The following GALNT18 variants were observed in gnomAD, a reference collection of about 807,000 sequenced individuals.
GALNT18 encodes the protein polypeptide N-acetylgalactosaminyltransferase 18, also known as GalNAc-transferase 18.
Under a neutral mutation model 69.5 loss-of-function variants are expected in GALNT18, and 44 were observed. The ratio of observed to expected loss-of-function variants is 0.63; its 90% CI spans 0.50 to 0.81. GALNT18 has a LOEUF of 0.81. GALNT18 is among the 40% of genes least tolerant of loss of function. The probability of loss-of-function intolerance (pLI) is 0.00; values close to 1 mark genes in which losing one functional copy is unlikely to be tolerated. For synonymous variants in GALNT18, 364 were observed against 318.2 expected, an observed-to-expected ratio of 1.14 and a Z score of -1.53; for missense variants, 715 against 810.0, an observed-to-expected ratio of 0.88 and a Z score of 1.42.
At chr11:11,406,055 G>T (rs999681428) in intron 3 of GALNT18, among the ~76,000 whole-genome samples, 7 of 152,158 alleles carry the variant, frequency 4.6e-5, no homozygotes, top group African/African-American at 1.7e-4. Context: ...AGCTACATGA[G>T]GATAAACATT....
Position 11,396,095 on chromosome 11 carries a change from G to A in GALNT18, c.596-16831C>T, listed in dbSNP as rs1027048815. Among the ~76,000 whole-genome samples, 2 of 152,200 alleles carry A rather than the reference G, an allele frequency of 1.3e-5. No individual in the cohort carries two copies. Among genetic ancestry groups the A allele is most frequent in the African/African-American group, 4.8e-5 (2 of 41,444 alleles). On this transcript the variant is annotated intron_variant, in intron 3 of 10. Coordinates refer to ENST00000227756, the MANE Select transcript of GALNT18 (RefSeq NM_198516.3). The surrounding 1 kb of genome is among the most constrained non-coding windows in gnomAD (Gnocchi z 5.2). ...TTCCCTCTGTTGCTGATCCCCATGG[G>A]GCTGAACAGTCCCAAAGAGTTAGAG...
chr11:11,297,163 C>T (rs1051159667), intron 9 of GALNT18, among the ~76,000 whole-genome samples: 2 of 152,010 alleles, frequency 1.3e-5, no homozygotes, highest in African/African-American at 2.4e-5. Flanking sequence ...ACTCAACATC[C>T]TAAGTGCACA....
At chr11:11,282,236 C>A (rs750567718) in intron 10 of GALNT18, among the ~76,000 whole-genome samples, 1 of 152,252 alleles carries the variant, frequency 6.6e-6, no homozygotes, top group East Asian at 1.9e-4. Flanking sequence ...CTTCCTTTCC[C>A]ACACTCAGTG....
intron 3 of GALNT18, among the ~76,000 whole-genome samples, chr11:11,388,392 G>A (rs939631201): frequency 3.3e-5 from 5 of 152,310 alleles, no homozygotes; most frequent in Non-Finnish European, 4.4e-5. Flanking sequence ...GAAGATGACC[G>A]TGGCAGGTTA....
intron 7 of GALNT18, among the ~76,000 whole-genome samples, chr11:11,334,065 C>T (rs372212904): frequency 1.3e-5 from 2 of 152,068 alleles, no homozygotes; most frequent in Non-Finnish European, 2.9e-5. Context: ...TCTCTCTCAC[C>T]GACACTGTGG....
At chr11:11,299,322 T>A (rs4910303) in intron 9 of GALNT18, among the ~76,000 whole-genome samples, 41,952 of 151,974 alleles carry the variant, frequency 0.28, 6,140 homozygotes, top group Middle Eastern at 0.39. Context: ...TTTTTTTTAC[T>A]TTTAGTAGGG....
chr11:11,564,057 T>TTTAACTCTTACAAGCTTAA lies in GALNT18; in HGVS notation c.235+57301_235+57302insTTAAGCTTGTAAGAGTTAA, dbSNP rs1565015268. Among the ~76,000 whole-genome samples the TTTAACTCTTACAAGCTTAA allele has an allele frequency of 9.5e-4, 144 of 152,308 alleles. 1 individual carries two copies. The highest frequency in any genetic ancestry group is 3.2e-3 in the African/African-American group (131 of 41,562). The stretch of plus-strand genomic sequence containing the variant: ...AGTGAGGCACCATGCTAAATGAATG[T>TTTAACTCTTACAAGCTTAA]CAGCTTGTTTAACTCTTACAAGAGC... On this transcript the variant is annotated intron_variant, in intron 1 of 10. Transcript: ENST00000227756. The surrounding 1 kb of genome is among the most constrained non-coding windows in gnomAD (Gnocchi z 4.3).
rs556798375 is a variant in GALNT18, at chr11:11,378,234, C to A, written c.779+847G>T. Among the ~76,000 whole-genome samples the A allele has an allele frequency of 6.8e-4, 104 of 152,334 alleles. 1 individual carries two copies. The highest frequency in any genetic ancestry group is 2.5e-3 in the African/African-American group (102 of 41,586). ...GTGCACGCCCTGCTGCTCCTTCCTG[C>A]TGAAGTGCCCTTGTCTCCCACTCCC... On this transcript the variant is annotated intron_variant, in intron 4 of 10. Transcript: ENST00000227756.
At chr11:11,429,839 C>T (rs1340665692) in intron 3 of GALNT18, among the ~76,000 whole-genome samples, 1 of 152,172 alleles carries the variant, frequency 6.6e-6, no homozygotes, top group African/African-American at 2.4e-5. Context: ...AGCTGTGAAT[C>T]ATTAGGAATG....
rs1448558399 is a variant in GALNT18 at position 11,396,108 on chromosome 11, CA to C, written c.596-16845del. 6.6e-6 allele frequency among the ~76,000 whole-genome samples: 1 copy of C among 152,154 alleles called. No individual in the cohort carries two copies. The highest frequency in any genetic ancestry group is 2.4e-5 in the African/African-American group (1 of 41,424). On this transcript the variant is annotated intron_variant, in intron 3 of 10. Transcript: ENST00000227756. The surrounding 1 kb of genome is among the most constrained non-coding windows in gnomAD (Gnocchi z 5.2). ...TGATCCCCATGGGGCTGAACAGTCC[CA>C]AAGAGTTAGAGAGAAAAGTCTTTAA...
intron 3 of GALNT18, among the ~76,000 whole-genome samples, chr11:11,385,058 TC>T (rs1854015122): frequency 6.6e-6 from 1 of 152,062 alleles, no homozygotes; most frequent in South Asian, 2.1e-4. Context: ...TCAGGCTGCT[TC>T]CACTCATGGT....
chr11:11,583,783 C>T lies in GALNT18; in HGVS notation c.235+37576G>A, dbSNP rs752788848. Among the ~76,000 whole-genome samples, 13 of 152,144 alleles carry T rather than the reference C, an allele frequency of 8.5e-5. No individual in the cohort carries two copies. Among genetic ancestry groups the T allele is most frequent in the South Asian group, 2.1e-4 (1 of 4,826 alleles). Reference sequence around the variant, plus strand: ...AATCAAACCAGACTTATAGCACTATCGGCCAGTAATGGTTAAGCTCACATG... The same window carrying T: ...AATCAAACCAGACTTATAGCACTATTGGCCAGTAATGGTTAAGCTCACATG... On this transcript the variant is annotated intron_variant, in intron 1 of 10. Transcript: ENST00000227756. The surrounding 1 kb of genome is among the most constrained non-coding windows in gnomAD (Gnocchi z 4.7).
intron 1 of GALNT18, among the ~76,000 whole-genome samples, chr11:11,504,770 T>C (rs1226485867): frequency 6.6e-6 from 1 of 151,178 alleles, no homozygotes; most frequent in African/African-American, 2.4e-5. Context: ...AATATATATA[T>C]ATATATTGGG....
intron 3 of GALNT18, among the ~76,000 whole-genome samples, chr11:11,384,422 G>A (rs1199040681): frequency 6.6e-6 from 1 of 152,102 alleles, no homozygotes; most frequent in Admixed American, 6.5e-5. Flanking sequence ...GTCCTCAAGT[G>A]GCAGCAGGGA....
Position 11,621,195 on chromosome 11 carries a change from C to A in GALNT18, c.235+164G>T, listed in dbSNP as rs1466867181. 6.6e-6 allele frequency among the ~76,000 whole-genome samples: 1 copy of A among 152,082 alleles called. No individual in the cohort carries two copies. Among genetic ancestry groups the A allele is most frequent in the Non-Finnish European group, 1.5e-5 (1 of 68,014 alleles). On this transcript the variant is annotated intron_variant, in intron 1 of 10. Coordinates refer to ENST00000227756, the MANE Select transcript of GALNT18 (RefSeq NM_198516.3). This position sits in a 1 kb window ranked among gnomAD's most constrained non-coding sequence, Gnocchi z 9.3. ...GCGCACGGCCGCAGACAGAAGGTCC[C>A]GAACGCAGGCAGGAGCTCACACGCA...
chr11:11,408,688 T>G (rs1026180727), intron 3 of GALNT18, among the ~76,000 whole-genome samples: 1 of 152,204 alleles, frequency 6.6e-6, no homozygotes, highest in Non-Finnish European at 1.5e-5. Flanking sequence ...AGGGAAGGTC[T>G]ATTTTTGCTA....
rs917290386 is a variant in GALNT18 at position 11,444,688 on chromosome 11, G to A, written c.428+4056C>T. 1.3e-5 allele frequency among the ~76,000 whole-genome samples: 2 copies of A among 152,168 alleles called. No homozygotes were observed. Among genetic ancestry groups the A allele is most frequent in the African/African-American group, 4.8e-5 (2 of 41,456 alleles). Reference sequence around the variant, plus strand: ...AGACAAAGTAAGTGACTAGCTAGAGGTGAGAGAAAGGAGGGTGGGCAGGAT... The same window carrying A: ...AGACAAAGTAAGTGACTAGCTAGAGATGAGAGAAAGGAGGGTGGGCAGGAT... On this transcript the variant is annotated intron_variant, in intron 2 of 10. Coordinates refer to ENST00000227756, the MANE Select transcript of GALNT18 (RefSeq NM_198516.3). This position sits in a 1 kb window ranked among gnomAD's most constrained non-coding sequence, Gnocchi z 4.4.
chr11:11,325,526 T>C (rs1849902133), intron 9 of GALNT18, among the ~76,000 whole-genome samples: 2 of 151,760 alleles, frequency 1.3e-5, no homozygotes, highest in African/African-American at 4.8e-5. Flanking sequence ...GAAATAAAAA[T>C]AAAAATTAAA....
At chr11:11,450,677 A>G (rs2133822586) in intron 1 of GALNT18, among the ~76,000 whole-genome samples, 1 of 152,358 alleles carries the variant, frequency 6.6e-6, no homozygotes, top group South Asian at 2.1e-4. Context: ...ACACCCCTGT[A>G]ACTCTTGGGA....
Sources: allele counts gnomAD v4.1 joint callset (sites outside exome capture counted in the v4.1 genomes callset), GRCh38; gene constraint gnomAD v4.1.1; non-coding constraint Gnocchi (gnomAD v3.1); transcripts MANE v1.5; gene names NCBI Gene and HGNC (gene_info 2026-07-23, HGNC 2026-07-21).